Variants in B3GALT5 observed in about 807,000 individuals in gnomAD.
B3GALT5 encodes the protein beta-1,3-galactosyltransferase 5, also known as UDP-Gal:betaGlcNAc beta 1,3-galactosyltransferase, polypeptide 5.
For synonymous variants in B3GALT5, 156 were observed against 158.6 expected (o/e 0.98, Z 0.12); for missense variants, 328 against 396.6 (o/e 0.83, Z 1.47).
chr21:39,666,248 C>T lies in B3GALT5; in HGVS notation c.*4756C>T, dbSNP rs1208322126. On this transcript the variant is annotated 3_prime_UTR_variant, in exon 4 of 4. Transcript: ENST00000684187. ...ACACGGTGCAGTCTGTGCGCCTGTCCTCCAGCCCGACACCTGGCCAGTCCT... is the reference window on the plus strand; with the variant it reads ...ACACGGTGCAGTCTGTGCGCCTGTCTTCCAGCCCGACACCTGGCCAGTCCT... 1.3e-5 allele frequency: 2 copies of T among 152,258 alleles called. No homozygotes were observed. The highest frequency in any genetic ancestry group is 4.8e-5 in the African/African-American group (2 of 41,422). The allele number at this position is 152,258 out of a possible 1,614,324, so 9.4% of individuals were successfully genotyped here.
At chr21:39,649,014 G>T (rs1321959539) in intron 2 of B3GALT5, among the ~76,000 whole-genome samples, 1 of 152,210 alleles carries the variant, frequency 6.6e-6, no homozygotes, top group Non-Finnish European at 1.5e-5. Flanking sequence ...CACCCAGTGT[G>T]TGGCATTTTG....
chr21:39,639,337 T>TTTTTC (rs1569212089), intron 1 of B3GALT5, among the ~76,000 whole-genome samples: 7 of 126,082 alleles, frequency 5.6e-5, no homozygotes, highest in Middle Eastern at 3.8e-3. Context: ...TTTCTTTCTT[T>TTTTTC]CTTTCTTTCT....
intron 1 of B3GALT5, among the ~76,000 whole-genome samples, chr21:39,628,050 A>G (rs1222144838): frequency 1.3e-5 from 2 of 152,228 alleles, no homozygotes; most frequent in Non-Finnish European, 2.9e-5. Flanking sequence ...AATTCTAACC[A>G]CTTAGAAATA....
At chr21:39,614,818 A>T (rs891768606) in intron 1 of B3GALT5, among the ~76,000 whole-genome samples, 1 of 152,126 alleles carries the variant, frequency 6.6e-6, no homozygotes, top group African/African-American at 2.4e-5. Flanking sequence ...ATGCTTGTCC[A>T]TTTAACTGGG....
intron 1 of B3GALT5, among the ~76,000 whole-genome samples, chr21:39,633,343 A>G (rs1602264980): frequency 6.6e-6 from 1 of 152,114 alleles, no homozygotes; most frequent in Non-Finnish European, 1.5e-5. Flanking sequence ...TATTTTTTGT[A>G]ATGACATTCA....
intron 1 of B3GALT5, among the ~76,000 whole-genome samples, chr21:39,615,655 T>C (rs1042435891): frequency 1.3e-5 from 2 of 152,250 alleles, no homozygotes; most frequent in Admixed American, 6.5e-5. Context: ...GTACTTGTTA[T>C]ATGACCTTCG....
At chr21:39,629,998 A>G (rs914520323) in intron 1 of B3GALT5, among the ~76,000 whole-genome samples, 6 of 152,212 alleles carry the variant, frequency 3.9e-5, no homozygotes, top group African/African-American at 1.4e-4. Context: ...TTTCCAACTG[A>G]TTTTGAAAAT....
rs767783605 is a variant in B3GALT5 at position 39,661,402 on chromosome 21, C to T, written c.843C>T (p.Ile281=). The part of the protein sequence containing the change: ...LRFSVCLFRR[I]VACHFIKPRT... ...TCTCCGTATGCCTCTTCAGGAGGATCGTGGCCTGCCACTTCATCAAGCCTC... is the reference window on the plus strand; with the variant it reads ...TCTCCGTATGCCTCTTCAGGAGGATTGTGGCCTGCCACTTCATCAAGCCTC... Residue 281 remains isoleucine (I), a synonymous_variant, in exon 4 of 4, where the codon ATC becomes ATT. Coordinates refer to ENST00000684187, the MANE Select transcript of B3GALT5 (RefSeq NM_001356336.2). This position sits in a 1 kb window ranked among gnomAD's most constrained non-coding sequence, Gnocchi z 4.7. 1.3e-5 allele frequency: 20 copies of T among 1,563,756 alleles called. No individual in the cohort carries two copies. The highest frequency in any genetic ancestry group is 3.7e-5 in the Admixed American group (2 of 53,524).
At chr21:39,657,713 C>T (rs761404697) in intron 2 of B3GALT5, 7 of 483,516 alleles carry the variant, frequency 1.4e-5, no homozygotes, top group Non-Finnish European at 2.3e-5. Context: ...ACCTACCTGC[C>T]TATCTATCTT....
chr21:39,644,871 C>A (rs2079322189), intron 1 of B3GALT5, among the ~76,000 whole-genome samples: 1 of 152,168 alleles, frequency 6.6e-6, no homozygotes, highest in Non-Finnish European at 1.5e-5. Context: ...TCACAGGCTT[C>A]TACCTCCCCA....
At position 39,656,355 on chromosome 21, in the gene B3GALT5, A is replaced by G. The variant is rs558482403; in HGVS notation, c.-160-3398A>G. On this transcript the variant is annotated intron_variant, in intron 2 of 3. Transcript: ENST00000684187. ...CAGACTCTAGCACTCAGGACTGCCA[A>G]CACCCTCCCCGGGTTTCCTTGGTCT... Among the ~76,000 whole-genome samples, 150 of 152,256 alleles carry G rather than the reference A, an allele frequency of 9.9e-4. 1 individual carries two copies. Among genetic ancestry groups the G allele is most frequent in the African/African-American group, 3.4e-3 (143 of 41,554 alleles).
chr21:39,643,015 G>A (rs1453287196), intron 1 of B3GALT5, among the ~76,000 whole-genome samples: 1 of 151,944 alleles, frequency 6.6e-6, no homozygotes, highest in African/African-American at 2.4e-5. Context: ...TCGTGGCACT[G>A]CACTCCAGCC....
chr21:39,623,933 C>A (rs2079150683), intron 1 of B3GALT5, among the ~76,000 whole-genome samples: 1 of 152,188 alleles, frequency 6.6e-6, no homozygotes, highest in South Asian at 2.1e-4. Context: ...GTAAGCCAAC[C>A]CTCTTCATGT....
intron 1 of B3GALT5, among the ~76,000 whole-genome samples, chr21:39,623,790 T>C (rs551819102): frequency 1.1e-4 from 17 of 152,360 alleles, no homozygotes; most frequent in Non-Finnish European, 2.1e-4. Flanking sequence ...ATCTTTATCA[T>C]GGTGAGTACC....
chr21:39,614,474 A>G (rs183767228), intron 1 of B3GALT5, among the ~76,000 whole-genome samples: 174 of 152,352 alleles, frequency 1.1e-3, no homozygotes, highest in African/African-American at 3.7e-3. Flanking sequence ...ATTGACAAGG[A>G]CAAGGTTGTC....
At chr21:39,650,933 C>T (rs949901524) in intron 2 of B3GALT5, among the ~76,000 whole-genome samples, 12 of 151,808 alleles carry the variant, frequency 7.9e-5, no homozygotes, top group African/African-American at 9.7e-5. Flanking sequence ...CTCACTCAGC[C>T]GTGGTCCAGC....
chr21:39,653,039 T>C (rs1362505378), intron 2 of B3GALT5, among the ~76,000 whole-genome samples: 11 of 151,776 alleles, frequency 7.2e-5, no homozygotes, highest in African/African-American at 2.2e-4. Context: ...TTTCCACCCA[T>C]GTAATCACCA....
chr21:39,639,408 C>CTTTCT (rs1569212418), intron 1 of B3GALT5, among the ~76,000 whole-genome samples: 2 of 82,170 alleles, frequency 2.4e-5, no homozygotes, highest in African/African-American at 9.2e-5. Context: ...CTTTTTCTTT[C>CTTTCT]TTTCTTTCTT....
chr21:39,644,476 G>C (rs1265709133), intron 1 of B3GALT5, among the ~76,000 whole-genome samples: 1 of 152,118 alleles, frequency 6.6e-6, no homozygotes, highest in East Asian at 1.9e-4. Context: ...CTTCCCTTTG[G>C]CTTAGTGAGT....
Sources: allele counts gnomAD v4.1 joint callset (sites outside exome capture counted in the v4.1 genomes callset), GRCh38; gene constraint gnomAD v4.1.1; non-coding constraint Gnocchi (gnomAD v3.1); transcripts MANE v1.5; gene names NCBI Gene and HGNC (gene_info 2026-07-23, HGNC 2026-07-21).